The following ZNF292 variants were observed in gnomAD, a reference collection of about 807,000 sequenced individuals.
ZNF292 encodes zinc finger protein 292, also known as 16 zinc-finger domain protein.
Under a neutral mutation model 217.9 loss-of-function variants are expected in ZNF292, and 26 were observed. That is an observed-to-expected ratio of 0.12 (90% CI 0.09 to 0.17). ZNF292 has a LOEUF of 0.17. ZNF292 is among the 10% of genes least tolerant of loss of function. ZNF292 has a pLI of 1.00. For missense variants in ZNF292, 2,904 were observed against 3,175.2 expected (o/e 0.91, Z 2.05); for synonymous variants, 1,257 against 1,124.1 (o/e 1.12, Z -2.37).
chr6:87,246,873 G>A (rs982912328), intron 7 of ZNF292, among the ~76,000 whole-genome samples: 4 of 151,988 alleles, frequency 2.6e-5, no homozygotes, highest in Non-Finnish European at 4.4e-5. Flanking sequence ...AAAGCAGGCC[G>A]GACGGACATG....
At chr6:87,249,345 T>G in intron 7 of ZNF292, 1 of 431,002 alleles carries the variant, frequency 2.3e-6, no homozygotes, top group Non-Finnish European at 4.7e-6. Flanking sequence ...CAGATTTATC[T>G]CCAACTCCTG....
At chr6:87,238,193 T>C (rs991296592) in intron 5 of ZNF292, among the ~76,000 whole-genome samples, 1 of 152,124 alleles carries the variant, frequency 6.6e-6, no homozygotes, top group African/African-American at 2.4e-5. Context: ...TTTTTAAATA[T>C]TAAGAGTAAG....
chr6:87,206,607 C>T (rs1484176468), intron 1 of ZNF292, among the ~76,000 whole-genome samples: 2 of 152,172 alleles, frequency 1.3e-5, no homozygotes, highest in Middle Eastern at 6.3e-3. Flanking sequence ...TGACACACCA[C>T]TATTATCTAA....
At chr6:87,208,503 G>T (rs80128938) in intron 1 of ZNF292, among the ~76,000 whole-genome samples, 8 of 151,962 alleles carry the variant, frequency 5.3e-5, no homozygotes, top group Non-Finnish European at 8.8e-5. Flanking sequence ...TTTGTTCGTA[G>T]ATGTAATATG....
chr6:87,197,722 CAAAAAA>C (rs11312557), intron 1 of ZNF292, among the ~76,000 whole-genome samples: 15 of 77,306 alleles, frequency 1.9e-4, no homozygotes, highest in Non-Finnish European at 2.2e-4. Context: ...CTCGCTGTTT[CAAAAAA>C]AAAAAAAAAA....
At position 87,255,948 on chromosome 6, in the gene ZNF292, G is replaced by A; in HGVS notation, c.2319G>A (p.Glu773=). 2 of 1,612,926 alleles carry A rather than the reference G, an allele frequency of 1.2e-6. No individual in the cohort carries two copies. Among genetic ancestry groups the A allele is most frequent in the Non-Finnish European group, 1.7e-6 (2 of 1,179,410 alleles). The change falls in exon 8 of 8, where the codon GAG becomes GAA. Residue 773 remains glutamate (E), a synonymous_variant. Transcript: ENST00000369577. ...SYAELLTHRK[E]HQVFRAKCMF... is the part of the protein sequence containing the mutation. ...CCGAGCTTTTAACCCACCGAAAGGA[G>A]CATCAAGTCTTTAGAGCAAAATGTA...
chr6:87,216,011 A>G lies in ZNF292; in HGVS notation c.277A>G (p.Thr93Ala). ...TTATGTTAAAGCCCGACCTTATCTT[A>G]CCTCTGAATGTGAAAATGTAGCCTT... is the stretch of plus-strand genomic sequence containing the variant. ...QSYVKARPYL[T>A]SECENVALVL... is the part of the protein sequence containing the mutation. The change falls in exon 2 of 8, where the codon ACC becomes GCC. Residue 93 changes from threonine (T) to alanine (A), a missense_variant. By Grantham distance (58) the Thr-to-Ala change is moderately conservative (BLOSUM62 0). Around this residue, in one of 15 missense-constraint regions of ZNF292, gnomAD observed 313 missense variants for 451.0 expected, o/e 0.69. Coordinates refer to ENST00000369577, the MANE Select transcript of ZNF292 (RefSeq NM_015021.3). The G allele has an allele frequency of 6.3e-6, 10 of 1,582,066 alleles. No homozygotes were observed. Among genetic ancestry groups the G allele is most frequent in the Non-Finnish European group, 8.5e-6 (10 of 1,170,084 alleles).
chr6:87,235,717 C>T (rs560298482), intron 5 of ZNF292, among the ~76,000 whole-genome samples: 110 of 152,224 alleles, frequency 7.2e-4, no homozygotes, highest in African/African-American at 2.6e-3. Context: ...TGTGAAGACC[C>T]TGGGTACTTC....
At chr6:87,244,110 G>A (rs1167118744) in intron 6 of ZNF292, among the ~76,000 whole-genome samples, 2 of 152,176 alleles carry the variant, frequency 1.3e-5, no homozygotes, top group African/African-American at 2.4e-5. Context: ...TTAGTCTTCA[G>A]TGTTGTGTTG....
chr6:87,242,212 G>A (rs1774326516), intron 5 of ZNF292, among the ~76,000 whole-genome samples: 1 of 152,136 alleles, frequency 6.6e-6, no homozygotes. Context: ...AAAAGAGGCA[G>A]AGAGAGGAGT....
At chr6:87,211,639 C>T (rs1001185242) in intron 1 of ZNF292, among the ~76,000 whole-genome samples, 12 of 152,106 alleles carry the variant, frequency 7.9e-5, no homozygotes, top group African/African-American at 1.4e-4. Context: ...CTTAGAACAA[C>T]GCCTAGCACA....
chr6:87,195,914 GCTAAC>G (rs952330816), intron 1 of ZNF292, among the ~76,000 whole-genome samples: 15 of 151,824 alleles, frequency 9.9e-5, no homozygotes, highest in Non-Finnish European at 1.8e-4. Flanking sequence ...TGTAATCCTT[GCTAAC>G]CAGGAGGCTG....
At chr6:87,222,465 A>C (rs1251329283) in intron 4 of ZNF292, among the ~76,000 whole-genome samples, 3 of 152,140 alleles carry the variant, frequency 2.0e-5, no homozygotes, top group Non-Finnish European at 4.4e-5. Context: ...AGTTTTTCAG[A>C]CTTTCCTTGT....
At chr6:87,165,031 G>A (rs766587489) in intron 1 of ZNF292, among the ~76,000 whole-genome samples, 2 of 151,574 alleles carry the variant, frequency 1.3e-5, no homozygotes, top group Admixed American at 6.6e-5. Flanking sequence ...CCAAAGTGCC[G>A]GGATTACAGG....
At chr6:87,179,074 G>T (rs907150606) in intron 1 of ZNF292, among the ~76,000 whole-genome samples, 3 of 149,264 alleles carry the variant, frequency 2.0e-5, no homozygotes, top group Non-Finnish European at 4.4e-5. Context: ...TGCAGACATT[G>T]TTTCCCAATC....
chr6:87,165,598 A>C (rs1770886963), intron 1 of ZNF292, among the ~76,000 whole-genome samples: 1 of 152,170 alleles, frequency 6.6e-6, no homozygotes, highest in African/African-American at 2.4e-5. Context: ...CATAACCCAC[A>C]GTTTGAAAAA....
rs777666075 is a variant in ZNF292, at chr6:87,174,900, G to A, written c.168+19141G>A. Among the ~76,000 whole-genome samples the A allele has an allele frequency of 7.6e-4, 116 of 152,290 alleles. 1 individual carries two copies. Among genetic ancestry groups the A allele is most frequent in the Middle Eastern group, 6.8e-3 (2 of 294 alleles). On this transcript the variant is annotated intron_variant, in intron 1 of 7. Transcript: ENST00000369577. ...TTTCTAAAAATTTATTGAGAAGACC[G>A]AGGTTATCTTACACATTTCCCGAAG... is the stretch of plus-strand genomic sequence containing the variant.
rs762791302 is a variant in ZNF292 at position 87,155,654 on chromosome 6, G to A, written c.63G>A (p.Glu21=). The change falls in exon 1 of 8, where the codon GAG becomes GAA. Residue 21 remains glutamate, a synonymous_variant. Transcript: ENST00000369577. ...LSCGEGGCVA[E]LQRLGERLQE... is the part of the protein sequence containing the mutation. ...GCGGCGAAGGCGGCTGCGTCGCGGA[G>A]CTGCAGCGCCTGGGCGAGCGGCTCC... is the stretch of plus-strand genomic sequence containing the variant. 1.3e-6 allele frequency: 2 copies of A among 1,583,736 alleles called. No homozygotes were observed. Among genetic ancestry groups the A allele is most frequent in the Non-Finnish European group, 1.7e-6 (2 of 1,166,730 alleles).
chr6:87,223,842 C>CCTGG (rs1211523766), intron 4 of ZNF292: 1 of 152,098 alleles, frequency 6.6e-6, no homozygotes, highest in Non-Finnish European at 1.5e-5. Flanking sequence ...CTGCCTGAGT[C>CCTGG]CTGGAATCAA....
Sources: allele counts gnomAD v4.1 joint callset (sites outside exome capture counted in the v4.1 genomes callset), GRCh38; gene constraint gnomAD v4.1.1; regional missense constraint gnomAD v4.1.1; transcripts MANE v1.5; gene names NCBI Gene and HGNC (gene_info 2026-07-23, HGNC 2026-07-21).